Variants in EPHA4 observed in about 807,000 individuals in gnomAD.
EPHA4 encodes the protein ephrin type-A receptor 4.
In EPHA4, 19 loss-of-function variants were observed where a neutral mutation model predicts 108.3. The observed-to-expected ratio is 0.18, with a 90% confidence interval of 0.12 to 0.26. The LOEUF (loss-of-function observed/expected upper bound fraction) is 0.26. Among genes scored for constraint, EPHA4 ranks in the 10% least tolerant of loss-of-function variants. The probability of loss-of-function intolerance (pLI) is 1.00; values close to 1 mark genes in which losing one functional copy is unlikely to be tolerated. For missense variants in EPHA4, 917 were observed against 1,254.0 expected, an observed-to-expected ratio of 0.73 and a Z score of 4.06; for synonymous variants, 449 against 455.5, an observed-to-expected ratio of 0.99 and a Z score of 0.18.
At chr2:221,468,929 C>T (rs920889277) in intron 5 of EPHA4, among the ~76,000 whole-genome samples, 4 of 152,220 alleles carry the variant, frequency 2.6e-5, no homozygotes, top group African/African-American at 2.4e-5. Context: ...AGTGTTGTGG[C>T]TTTGCCACTT....
intron 4 of EPHA4, among the ~76,000 whole-genome samples, chr2:221,485,672 G>A (rs1691954661): frequency 6.6e-6 from 1 of 152,086 alleles, no homozygotes; most frequent in Admixed American, 6.6e-5. Flanking sequence ...GTGCTTGTGG[G>A]ATTGTGGTTT....
At chr2:221,496,156 G>A (rs561665788) in intron 4 of EPHA4, among the ~76,000 whole-genome samples, 2 of 152,246 alleles carry the variant, frequency 1.3e-5, no homozygotes, top group African/African-American at 4.8e-5. Context: ...GAGTTACTCT[G>A]TGGATCATCT....
At chr2:221,453,584 A>G (rs1432192409) in intron 8 of EPHA4, among the ~76,000 whole-genome samples, 1 of 152,202 alleles carries the variant, frequency 6.6e-6, no homozygotes, top group African/African-American at 2.4e-5. Flanking sequence ...TAAGTTTCCA[A>G]AGGTTGAGAT....
rs114907417 is a variant in EPHA4, at chr2:221,453,898, C to T, written c.1715+1649G>A. Among the ~76,000 whole-genome samples the T allele has an allele frequency of 9.4e-3, 1,424 of 152,206 alleles. 20 individuals carry two copies. Among genetic ancestry groups the T allele is most frequent in the African/African-American group, 0.032 (1,349 of 41,528 alleles). On this transcript the variant is annotated intron_variant, in intron 8 of 17. Coordinates refer to ENST00000281821, the MANE Select transcript of EPHA4 (RefSeq NM_004438.5). Reference sequence around the variant, plus strand: ...AGCATGATATTAAGAAATACATGGCCGGACATGGTGGCTCATGCCTGTAAT... The same window carrying T: ...AGCATGATATTAAGAAATACATGGCTGGACATGGTGGCTCATGCCTGTAAT...
At position 221,514,101 on chromosome 2, in the gene EPHA4, T is replaced by G. The variant is rs948726306; in HGVS notation, c.824-12929A>C. ...ACTCCTGTAAGCCGGGGGGAGGGGG[T>G]TTGAAAATCTACTTAATGCATTTTG... On this transcript the variant is annotated intron_variant, in intron 3 of 17. Transcript: ENST00000281821. 5.4e-5 allele frequency among the ~76,000 whole-genome samples: 8 copies of G among 148,334 alleles called. No individual in the cohort carries two copies. The South Asian group carries it at 6.6e-4, about 12-fold the overall frequency.
At chr2:221,425,044 T>G (rs1689859063) in intron 17 of EPHA4, among the ~76,000 whole-genome samples, 165 bp downstream of exon 17, 1 of 150,270 alleles carries the variant, frequency 6.7e-6, no homozygotes, top group South Asian at 2.1e-4. Context: ...GTGTTTGGTC[T>G]CCTCTTTCGC....
intron 4 of EPHA4, among the ~76,000 whole-genome samples, chr2:221,484,932 A>C (rs1691937212): frequency 6.6e-6 from 1 of 152,208 alleles, no homozygotes; most frequent in African/African-American, 2.4e-5. Flanking sequence ...GCAGTGAGCT[A>C]TCTTCAGCCC....
At chr2:221,479,840 A>G (rs1160346740) in intron 5 of EPHA4, among the ~76,000 whole-genome samples, 1 of 152,158 alleles carries the variant, frequency 6.6e-6, no homozygotes, top group African/African-American at 2.4e-5. Flanking sequence ...TTATTGAAAG[A>G]TTTATTTTTA....
At chr2:221,454,449 C>T (rs1030811048) in intron 8 of EPHA4, among the ~76,000 whole-genome samples, 2 of 152,176 alleles carry the variant, frequency 1.3e-5, no homozygotes, top group African/African-American at 4.8e-5. Context: ...ACCACTATGG[C>T]AATGCGACAA....
chr2:221,436,986 C>T (rs1340685823), intron 12 of EPHA4, 75 bp downstream of exon 12: 1 of 1,116,548 alleles, frequency 9.0e-7, no homozygotes. Context: ...CCACCGAACA[C>T]AACAAACACA....
rs182678302 is a variant in EPHA4 at position 221,507,105 on chromosome 2, G to T, written c.824-5933C>A. On this transcript the variant is annotated intron_variant, in intron 3 of 17. Coordinates refer to ENST00000281821, the MANE Select transcript of EPHA4 (RefSeq NM_004438.5). Reference sequence around the variant, plus strand: ...CCCATGGGTCATACTTTGCCAACCAGTGATCTTGTAGGACATGTTCATTTT... The same window carrying T: ...CCCATGGGTCATACTTTGCCAACCATTGATCTTGTAGGACATGTTCATTTT... 1.6e-4 allele frequency among the ~76,000 whole-genome samples: 24 copies of T among 152,284 alleles called. No individual in the cohort carries two copies. In the East Asian group the frequency reaches 3.3e-3, roughly 21 times the overall value.
At chr2:221,429,480 C>T (rs1353039025) in intron 15 of EPHA4, among the ~76,000 whole-genome samples, 1 of 152,110 alleles carries the variant, frequency 6.6e-6, no homozygotes, top group Admixed American at 6.5e-5. Context: ...AAAGGGAAAC[C>T]AGAAGAACTG....
At chr2:221,435,594 G>A (rs959337092) in intron 13 of EPHA4, among the ~76,000 whole-genome samples, 1 of 152,094 alleles carries the variant, frequency 6.6e-6, no homozygotes, top group Non-Finnish European at 1.5e-5. Context: ...TGTCAGCTTC[G>A]TGTTGATTTT....
At chr2:221,469,405 G>A (rs1691409006) in intron 5 of EPHA4, among the ~76,000 whole-genome samples, 1 of 152,108 alleles carries the variant, frequency 6.6e-6, no homozygotes, top group Admixed American at 6.6e-5. Flanking sequence ...GCACCAACAC[G>A]AGAGGCTCAT....
chr2:221,473,918 C>T (rs943875464), intron 5 of EPHA4, among the ~76,000 whole-genome samples: 6 of 152,154 alleles, frequency 3.9e-5, no homozygotes, highest in Non-Finnish European at 8.8e-5. Context: ...CAAGTGATTA[C>T]TGGTGAATGA....
rs1041895908 is a variant in EPHA4, at chr2:221,457,746, G to A, written c.1443+120C>T. On this transcript the variant is annotated intron_variant, in intron 6 of 17. Coordinates refer to ENST00000281821, the MANE Select transcript of EPHA4 (RefSeq NM_004438.5). ...GAGCAAAGGAGGATGGGAAGGAGTCGAGGAAAGAAGGAAGAAAAGAAGAGA... is the reference window on the plus strand; with the variant it reads ...GAGCAAAGGAGGATGGGAAGGAGTCAAGGAAAGAAGGAAGAAAAGAAGAGA... The A allele has an allele frequency of 4.5e-5, 51 of 1,133,728 alleles. No individual in the cohort carries two copies. The East Asian group carries it at 9.1e-4, about 20-fold the overall frequency. The allele number at this position is 1,133,728 out of a possible 1,614,324, so 70.2% of individuals were successfully genotyped here. A position where few individuals can be genotyped will look rare whatever the true frequency, so the allele number is the denominator to read the frequency against.
intron 4 of EPHA4, among the ~76,000 whole-genome samples, chr2:221,499,720 ATATAT>A (rs1692414309): frequency 2.3e-5 from 1 of 44,336 alleles, no homozygotes; most frequent in African/African-American, 1.0e-4. Flanking sequence ...AAACTAATAT[ATATAT>A]ATATATATAT....
chr2:221,493,700 A>G (rs2106151183), intron 4 of EPHA4, among the ~76,000 whole-genome samples: 1 of 152,328 alleles, frequency 6.6e-6, no homozygotes, highest in Admixed American at 6.5e-5. Context: ...TTTTAAAACA[A>G]TACACTTTCT....
At position 221,429,996 on chromosome 2, in the gene EPHA4, G is replaced by T; in HGVS notation, c.2652C>A (p.Asn884Lys). 1 of 1,613,922 alleles carries T rather than the reference G, an allele frequency of 6.2e-7. No homozygotes were observed. ...TCCCTGTCCTCTTCAAGCTGTTGGG[G>T]TTGCGGATGAGTTTGTCCAACATGT... ...IVNMLDKLIR[N>K]PNSLKRTGTE... The change falls in exon 15 of 18, where the codon AAC becomes AAA. Residue 884 changes from asparagine (N) to lysine (K), a missense_variant. This residue lies in a region of EPHA4 where 133 missense variants were observed against 132.8 expected (regional missense o/e 1.00). Coordinates refer to ENST00000281821, the MANE Select transcript of EPHA4 (RefSeq NM_004438.5).
Sources: allele counts gnomAD v4.1 joint callset (sites outside exome capture counted in the v4.1 genomes callset), GRCh38; gene constraint gnomAD v4.1.1; regional missense constraint gnomAD v4.1.1; transcripts MANE v1.5; gene names NCBI Gene and HGNC (gene_info 2026-07-23, HGNC 2026-07-21).